The following MDN1 variants were observed in gnomAD, a reference collection of about 807,000 sequenced individuals.
The protein encoded by MDN1 is midasin.
A neutral mutation model predicts 669.2 loss-of-function variants in MDN1; 266 were observed. The observed-to-expected ratio is 0.40, with a 90% confidence interval of 0.36 to 0.44. The LOEUF is 0.44. MDN1 is among the 20% of genes least tolerant of loss of function. MDN1 has a pLI of 1.00. For synonymous variants in MDN1, 2,385 were observed against 2,457.1 expected, an observed-to-expected ratio of 0.97 and a Z score of 0.87; for missense variants, 5,940 against 6,754.0, an observed-to-expected ratio of 0.88 and a Z score of 4.22.
intron 92 of MDN1, among the ~76,000 whole-genome samples, chr6:89,654,809 T>C (rs1358416899): frequency 1.3e-5 from 2 of 152,218 alleles, no homozygotes; most frequent in Non-Finnish European, 2.9e-5. Flanking sequence ...TCATTAAACA[T>C]TGTATACATG....
At chr6:89,656,437 G>GCA (rs1435976890) in intron 91 of MDN1, among the ~76,000 whole-genome samples, 1 of 152,062 alleles carries the variant, frequency 6.6e-6, no homozygotes, top group Non-Finnish European at 1.5e-5. Context: ...CTGGGCAGCC[G>GCA]CACACAGCAC....
chr6:89,812,419 G>T (rs1384395476), intron 1 of MDN1, among the ~76,000 whole-genome samples: 1 of 152,044 alleles, frequency 6.6e-6, no homozygotes. Flanking sequence ...AGGTGGCTCA[G>T]CTCTTCTCTT....
intron 2 of MDN1, chr6:89,797,614 T>C (rs1027802427): frequency 1.8e-5 from 8 of 444,404 alleles, no homozygotes; most frequent in Non-Finnish European, 3.2e-5. Flanking sequence ...ATGGGATTCG[T>C]AGGCCATTAT....
chr6:89,781,561 G>A lies in MDN1; in HGVS notation c.1481C>T (p.Ala494Val). 1 of 1,612,106 alleles carries A rather than the reference G, an allele frequency of 6.2e-7. No individual in the cohort carries two copies. Among genetic ancestry groups the A allele is most frequent in the Non-Finnish European group, 8.5e-7 (1 of 1,178,598 alleles). ...VLQSRYPSLL[A>V]VVDHLLDIYI... ...AATGTCAAGCAGGTGATCAACCACT[G>A]CCAATAGGCTAGGATATCTGCTCTG... is the stretch of plus-strand genomic sequence containing the variant. Residue 494 changes from alanine (A) to valine (V), a missense_variant, in exon 10 of 102, where the codon GCA (alanine) becomes GTA (valine). This residue lies in a region of MDN1 where 1,203 missense variants were observed against 1,268.9 expected (regional missense o/e 0.95). Coordinates refer to ENST00000369393, the MANE Select transcript of MDN1 (RefSeq NM_014611.3).
rs774380784 is a variant in MDN1, at chr6:89,672,333, A to C, written c.13661T>G (p.Leu4554Arg). Reference sequence around the variant, plus strand: ...GAAGTCATCCTCTAAGAGTTTTGTTAGATGTCCTGATTGCAGTCTCTCAAA... The same window carrying C: ...GAAGTCATCCTCTAAGAGTTTTGTTCGATGTCCTGATTGCAGTCTCTCAAA... ...AGFERLQSGH[L>R]TKLLEDDFWA... is the part of the protein sequence containing the mutation. Residue 4554 changes from leucine to arginine, a missense_variant, in exon 82 of 102, where the codon CTA (leucine) becomes CGA (arginine). Physicochemically the swap from Leu to Arg is moderately radical, Grantham distance 102. Around this residue, in one of 5 missense-constraint regions of MDN1, gnomAD observed 2,280 missense variants for 2,576.3 expected, o/e 0.88. Transcript: ENST00000369393. 3.7e-6 allele frequency: 6 copies of C among 1,612,500 alleles called. No homozygotes were observed. In the Admixed American group the frequency reaches 1.0e-4, roughly 27 times the overall value.
At chr6:89,717,660 T>C (rs1355334348) in intron 43 of MDN1, among the ~76,000 whole-genome samples, 1 of 152,204 alleles carries the variant, frequency 6.6e-6, no homozygotes, top group Non-Finnish European at 1.5e-5. Context: ...CAAGTTCAAA[T>C]GGCAGGCTTA....
chr6:89,658,700 C>T lies in MDN1; in HGVS notation c.14931G>A (p.Glu4977=), dbSNP rs1427444615. The change falls in exon 89 of 102, where the codon GAG becomes GAA. Residue 4977 remains glutamate, a synonymous_variant. Coordinates refer to ENST00000369393, the MANE Select transcript of MDN1 (RefSeq NM_014611.3). The part of the protein sequence containing the change: ...DAAQHPEEHS[E]EQQQSVEEKD... Reference sequence around the variant, plus strand: ...TTTCCTCCACAGACTGCTGCTGCTCCTCAGAGTGTTCTTCAGGATGCTGAG... The same window carrying T: ...TTTCCTCCACAGACTGCTGCTGCTCTTCAGAGTGTTCTTCAGGATGCTGAG... 2 of 1,614,226 alleles carry T rather than the reference C, an allele frequency of 1.2e-6. No homozygotes were observed. Among genetic ancestry groups the T allele is most frequent in the Non-Finnish European group, 1.7e-6 (2 of 1,180,040 alleles).
chr6:89,725,068 T>C (rs893917398), intron 38 of MDN1, 131 bp downstream of exon 38: 10 of 814,558 alleles, frequency 1.2e-5, no homozygotes, highest in South Asian at 6.9e-5. Flanking sequence ...ATTGATCATA[T>C]AAGGACAAGA....
intron 23 of MDN1, 91 bp downstream of exon 23, chr6:89,751,340 A>AGTT: frequency 6.8e-7 from 1 of 1,461,144 alleles, no homozygotes; most frequent in African/African-American, 1.4e-5. Flanking sequence ...ATAAGAATAA[A>AGTT]GCTCTTTGAA....
chr6:89,749,862 A>G (rs1274573155), intron 24 of MDN1, 111 bp from the exon 25 acceptor site: 1 of 879,610 alleles, frequency 1.1e-6, no homozygotes, highest in Non-Finnish European at 1.7e-6. Flanking sequence ...AAAGCAAATT[A>G]CTTTCTGTAG....
chr6:89,758,963 AG>A lies in MDN1; in HGVS notation c.2461-4del. On this transcript the variant is annotated splice_region_variant and splice_polypyrimidine_tract_variant and intron_variant, in intron 17 of 101. Transcript: ENST00000369393. ...TTTACAGCCTGAGCTAATGTACCCT[AG>A]AAAAAGATAAAATAAAATGTTAACA... The A allele has an allele frequency of 6.2e-7, 1 of 1,612,492 alleles. No homozygotes were observed. Among genetic ancestry groups the A allele is most frequent in the Non-Finnish European group, 8.5e-7 (1 of 1,178,862 alleles).
chr6:89,688,232 G>T, intron 66 of MDN1, 59 bp from the exon 67 acceptor site: 1 of 1,457,136 alleles, frequency 6.9e-7, no homozygotes, highest in Non-Finnish European at 9.6e-7. Flanking sequence ...AAGTCACAGG[G>T]TACTGAAGAG....
chr6:89,643,756 A>C lies in MDN1; in HGVS notation c.*249T>G, dbSNP rs1391904494. The C allele has an allele frequency of 2.8e-6, 1 of 363,016 alleles. No homozygotes were observed. The allele number at this position is 363,016 out of a possible 1,614,324, so 22.5% of individuals were successfully genotyped here. On this transcript the variant is annotated 3_prime_UTR_variant, in exon 102 of 102. Coordinates refer to ENST00000369393, the MANE Select transcript of MDN1 (RefSeq NM_014611.3). ...ACCTCCTCCCAGGCCAGGGCTTCCA[A>C]GGCAGGGAAGAAGGATAACTCTTCT...
intron 53 of MDN1, among the ~76,000 whole-genome samples, chr6:89,705,435 A>C (rs922137916): frequency 6.6e-6 from 1 of 152,224 alleles, no homozygotes; most frequent in African/African-American, 2.4e-5. Context: ...AATTCCATTT[A>C]ATCCACATGT....
At chr6:89,757,861 T>A (rs965895557) in intron 19 of MDN1, among the ~76,000 whole-genome samples, 2 of 151,296 alleles carry the variant, frequency 1.3e-5, no homozygotes, top group South Asian at 4.2e-4. Context: ...CTGGCCAACA[T>A]AGTGAAACCC....
chr6:89,807,082 T>C (rs1173326176), intron 1 of MDN1, among the ~76,000 whole-genome samples: 3 of 151,620 alleles, frequency 2.0e-5, no homozygotes, highest in Non-Finnish European at 2.9e-5. Context: ...TAAGCAAACA[T>C]TGTTTTGTTT....
chr6:89,668,897 A>C (rs745640340), intron 83 of MDN1, among the ~76,000 whole-genome samples: 16 of 152,234 alleles, frequency 1.1e-4, no homozygotes, highest in Non-Finnish European at 2.2e-4. Flanking sequence ...CACTTAGAAA[A>C]ATTTTTAACA....
intron 49 of MDN1, 87 bp from the exon 50 acceptor site, chr6:89,710,881 G>T: frequency 2.7e-6 from 2 of 742,792 alleles, no homozygotes; most frequent in Non-Finnish European, 4.4e-6. Context: ...TTCTACAGCT[G>T]CATAGAATAA....
chr6:89,732,288 A>G (rs1198850122), intron 34 of MDN1, among the ~76,000 whole-genome samples: 2 of 151,558 alleles, frequency 1.3e-5, no homozygotes, highest in South Asian at 4.1e-4. Context: ...GTGCTTCAGA[A>G]GCAAAGACAT....
Sources: gnomAD v4.1 joint callset for allele counts (sites outside exome capture counted in the v4.1 genomes callset) on GRCh38, gnomAD v4.1.1 for gene constraint, gnomAD v4.1.1 regional missense constraint, MANE v1.5 for transcripts, NCBI Gene and HGNC (gene_info 2026-07-23, HGNC 2026-07-21) for gene names.